Variants in TMEM266 observed in about 807,000 individuals in gnomAD.
TMEM266 encodes Hv1 related protein 1.
TMEM266 carries 33 observed loss-of-function variants against 50.5 expected under a neutral mutation model. That is an observed-to-expected ratio of 0.65 (90% CI 0.50 to 0.87). TMEM266 has a LOEUF of 0.87. Among genes scored for constraint, TMEM266 ranks in the 40% least tolerant of loss-of-function variants. The pLI is 0.00. For missense variants in TMEM266, 655 were observed against 695.1 expected (o/e 0.94, Z 0.65); for synonymous variants, 310 against 292.3 (o/e 1.06, Z -0.62).
intron 1 of TMEM266, among the ~76,000 whole-genome samples, chr15:76,126,158 C>T (rs1409088880): frequency 6.6e-6 from 1 of 151,724 alleles, no homozygotes; most frequent in African/African-American, 2.4e-5. Context: ...GGATGCTCCT[C>T]AAAAAACTCA....
At chr15:76,127,831 A>G (rs1297564004) in intron 1 of TMEM266, among the ~76,000 whole-genome samples, 1 of 152,194 alleles carries the variant, frequency 6.6e-6, no homozygotes, top group African/African-American at 2.4e-5. Flanking sequence ...TTTCTGATTC[A>G]GTAGATCAGA....
intron 9 of TMEM266, 104 bp from the exon 10 acceptor site, chr15:76,202,098 G>C (rs767216448): frequency 1.1e-5 from 11 of 1,009,516 alleles, no homozygotes; most frequent in Admixed American, 7.4e-5. Context: ...AAGGGCTTCT[G>C]TGAGACAGCT....
intron 3 of TMEM266, among the ~76,000 whole-genome samples, chr15:76,151,122 G>A (rs900268258): frequency 9.2e-5 from 14 of 152,174 alleles, no homozygotes; most frequent in South Asian, 2.1e-4. Context: ...ATTGGGAAAC[G>A]CCTGCCCTCT....
chr15:76,071,215 C>T (rs752952268), intron 1 of TMEM266, among the ~76,000 whole-genome samples: 3 of 152,186 alleles, frequency 2.0e-5, no homozygotes, highest in Non-Finnish European at 4.4e-5. Flanking sequence ...TACCTCCTCC[C>T]TGCAGACAAC....
intron 1 of TMEM266, among the ~76,000 whole-genome samples, chr15:76,105,138 C>T (rs1265214380): frequency 6.6e-6 from 1 of 152,062 alleles, no homozygotes; most frequent in East Asian, 1.9e-4. Context: ...CCCAGCTACT[C>T]AGGAAGCTGA....
chr15:76,197,350 A>G lies in TMEM266; in HGVS notation c.959-4852A>G, dbSNP rs905318818. Among the ~76,000 whole-genome samples the G allele has an allele frequency of 2.0e-5, 3 of 152,256 alleles. No homozygotes were observed. In the South Asian group the frequency reaches 6.2e-4, roughly 32 times the overall value. On this transcript the variant is annotated intron_variant, in intron 9 of 10. Transcript: ENST00000388942. ...AACTGAGGTCTGGGTTTGAATTTCA[A>G]CTTGACTTTGAACAAGTTACTTCTG...
intron 1 of TMEM266, among the ~76,000 whole-genome samples, chr15:76,098,706 TC>T (rs1236138885): frequency 4.6e-5 from 7 of 152,080 alleles, no homozygotes; most frequent in Admixed American, 3.9e-4. Context: ...AGGTGCTCTG[TC>T]CCTTGGAGAT....
intron 1 of TMEM266, among the ~76,000 whole-genome samples, chr15:76,132,970 A>G (rs2037534874): frequency 6.6e-6 from 1 of 151,152 alleles, no homozygotes; most frequent in Non-Finnish European, 1.5e-5. Context: ...CCCCGACTCT[A>G]CCAAAAGTCC....
At position 76,203,809 on chromosome 15, in the gene TMEM266, A is replaced by G; in HGVS notation, c.1090A>G (p.Ile364Val). ...CGCAATAGACATTCACCAGCCCAAC[A>G]TCTCCTCGGACCTCTTCTCTCTGGA... The change falls in exon 11 of 11, where the codon ATC becomes GTC. Residue 364 changes from isoleucine to valine, a missense_variant. By Grantham distance (29) the Ile-to-Val change is conservative. Coordinates refer to ENST00000388942, the MANE Select transcript of TMEM266 (RefSeq NM_152335.3). The G allele has an allele frequency of 6.2e-7, 1 of 1,614,048 alleles. No homozygotes were observed. Among genetic ancestry groups the G allele is most frequent in the Non-Finnish European group, 8.5e-7 (1 of 1,179,992 alleles).
At chr15:76,078,560 A>G (rs1048176156) in intron 1 of TMEM266, among the ~76,000 whole-genome samples, 2 of 152,190 alleles carry the variant, frequency 1.3e-5, no homozygotes, top group African/African-American at 4.8e-5. Context: ...GGTCTTCCAG[A>G]TACTATCTAA....
chr15:76,144,262 A>T (rs1377183011), intron 3 of TMEM266, among the ~76,000 whole-genome samples: 1 of 151,998 alleles, frequency 6.6e-6, no homozygotes, highest in Non-Finnish European at 1.5e-5. Flanking sequence ...ACAAGCACCT[A>T]CGTCTCTTTC....
At chr15:76,081,948 T>C (rs1301271023) in intron 1 of TMEM266, among the ~76,000 whole-genome samples, 5 of 152,170 alleles carry the variant, frequency 3.3e-5, no homozygotes, top group African/African-American at 1.2e-4. Flanking sequence ...CCCACCCTTT[T>C]CTCTTACCTC....
chr15:76,166,236 G>A (rs565198725), intron 5 of TMEM266, among the ~76,000 whole-genome samples: 3 of 152,266 alleles, frequency 2.0e-5, no homozygotes, highest in East Asian at 3.9e-4. Context: ...GATGCTGCGG[G>A]GGGGAAAAGC....
chr15:76,136,019 C>T (rs1191777300), intron 2 of TMEM266, among the ~76,000 whole-genome samples: 4 of 151,796 alleles, frequency 2.6e-5, no homozygotes, highest in East Asian at 3.9e-4. Flanking sequence ...TCTCAGCTCA[C>T]TGCAACCTCC....
At position 76,173,169 on chromosome 15, in the gene TMEM266, G is replaced by GAC. The variant is rs569237129; in HGVS notation, c.652+2041_652+2042dup. On this transcript the variant is annotated intron_variant, in intron 7 of 10. Transcript: ENST00000388942. ...TCTGGACCTGGAGATGGGTCTCAGG[G>GAC]ACACGTGGCCGGTCCTCAAGCAGAA... Among the ~76,000 whole-genome samples, 373 of 152,278 alleles carry GAC rather than the reference G, an allele frequency of 2.4e-3. 2 individuals are homozygous for GAC. The highest frequency in any genetic ancestry group is 4.1e-3 in the South Asian group (20 of 4,824).
chr15:76,144,763 A>T (rs1567166298), intron 3 of TMEM266, among the ~76,000 whole-genome samples: 1 of 151,918 alleles, frequency 6.6e-6, no homozygotes. Flanking sequence ...TCACACAAAA[A>T]CCTTCATGCG....
At chr15:76,200,371 C>T (rs1035694282) in intron 9 of TMEM266, among the ~76,000 whole-genome samples, 4 of 152,314 alleles carry the variant, frequency 2.6e-5, no homozygotes, top group Admixed American at 1.3e-4. Flanking sequence ...GAAAGAGCCT[C>T]GCCAGCGCCA....
chr15:76,151,469 C>G lies in TMEM266; in HGVS notation c.228-5135C>G, dbSNP rs28562887. ...CCAGCCCCCAACCCACCCTCCAGGG[C>G]CCTGTTCTGGAGCCCTGGGGTCTGT... On this transcript the variant is annotated intron_variant, in intron 3 of 10. Transcript: ENST00000388942. Among the ~76,000 whole-genome samples, 254 of 152,292 alleles carry G rather than the reference C, an allele frequency of 1.7e-3. 2 individuals carry two copies. Among genetic ancestry groups the G allele is most frequent in the African/African-American group, 6.0e-3 (250 of 41,568 alleles).
intron 1 of TMEM266, among the ~76,000 whole-genome samples, chr15:76,085,006 C>T (rs1596093591): frequency 6.6e-6 from 1 of 150,760 alleles, no homozygotes; most frequent in South Asian, 2.1e-4. Context: ...GTTGCCCAGG[C>T]TAGAGTGCAG....
Sources: gnomAD v4.1 joint callset for allele counts (sites outside exome capture counted in the v4.1 genomes callset) on GRCh38, gnomAD v4.1.1 for gene constraint, MANE v1.5 for transcripts, NCBI Gene and HGNC (gene_info 2026-07-23, HGNC 2026-07-21) for gene names.